Variants in NAV2 observed in about 807,000 individuals in gnomAD.
NAV2 encodes helicase, APC down-regulated 1.
In NAV2, 54 loss-of-function variants were observed where a neutral mutation model predicts 223.2. That is an observed-to-expected ratio of 0.24 (90% CI 0.19 to 0.30). The LOEUF is 0.30. Ranked by LOEUF, NAV2 falls within the 10% of genes least tolerant of loss-of-function variation. The pLI is 1.00. For missense variants in NAV2, 2,806 were observed against 3,147.5 expected (o/e 0.89, Z 2.60); for synonymous variants, 1,279 against 1,239.3 (o/e 1.03, Z -0.67).
At chr11:19,900,276 A>ACT (rs780451037) in intron 6 of NAV2, among the ~76,000 whole-genome samples, 8 of 151,824 alleles carry the variant, frequency 5.3e-5, no homozygotes, top group Non-Finnish European at 1.2e-4. Context: ...TGGAGGAATA[A>ACT]ACAAGAAGTT....
chr11:20,022,036 G>T (rs2054558149), intron 11 of NAV2, among the ~76,000 whole-genome samples: 1 of 152,178 alleles, frequency 6.6e-6, no homozygotes. Flanking sequence ...GCTTCCACTG[G>T]AGAGGCCACC....
At chr11:19,526,888 T>G (rs2043857820) in intron 1 of NAV2, among the ~76,000 whole-genome samples, 1 of 152,106 alleles carries the variant, frequency 6.6e-6, no homozygotes, top group South Asian at 2.1e-4. Flanking sequence ...GGGAGTAAGG[T>G]AGTGGTAATT....
At chr11:19,975,755 A>G (rs1006318284) in intron 10 of NAV2, among the ~76,000 whole-genome samples, 13 of 152,212 alleles carry the variant, frequency 8.5e-5, no homozygotes, top group Admixed American at 8.5e-4. Context: ...CAATGTAGAA[A>G]TCATTGTAGA....
chr11:19,685,223 G>A lies in NAV2; in HGVS notation c.76-147261G>A, dbSNP rs142752608. Among the ~76,000 whole-genome samples the A allele has an allele frequency of 4.6e-5, 7 of 152,306 alleles. 1 individual carries two copies. The highest frequency in any genetic ancestry group is 1.7e-4 in the African/African-American group (7 of 41,562). ...TTTGTCCTGCCCTCTCAGTTCAGAA[G>A]CTCTGCCATCTGCTTTTAAATCACC... On this transcript the variant is annotated intron_variant, in intron 1 of 37. Coordinates refer to the NAV2 transcript ENST00000360655.
chr11:19,687,297 A>G (rs1465157591), intron 1 of NAV2, among the ~76,000 whole-genome samples: 3 of 152,186 alleles, frequency 2.0e-5, no homozygotes, highest in Non-Finnish European at 4.4e-5. Flanking sequence ...AGCTAGAAAT[A>G]TTTCTTATCC....
chr11:19,493,053 C>A (rs900063150), intron 1 of NAV2, among the ~76,000 whole-genome samples: 26 of 152,096 alleles, frequency 1.7e-4, no homozygotes, highest in African/African-American at 5.3e-4. Context: ...TCGTCCAGGT[C>A]GATAATGTTG....
chr11:19,619,220 C>T (rs1165185540), intron 1 of NAV2, among the ~76,000 whole-genome samples: 2 of 151,670 alleles, frequency 1.3e-5, no homozygotes, highest in South Asian at 4.2e-4. Context: ...AATAAACATA[C>T]GTGTGCATGT....
At chr11:19,482,427 C>G (rs2042308076) in intron 1 of NAV2, among the ~76,000 whole-genome samples, 1 of 152,146 alleles carries the variant, frequency 6.6e-6, no homozygotes. Flanking sequence ...TTCTATAGGA[C>G]CCCGGGGTTA....
Position 19,572,478 on chromosome 11 carries a change from A to C in NAV2, c.75+221451A>C, listed in dbSNP as rs116806555. On this transcript the variant is annotated intron_variant, in intron 1 of 37. Transcript: ENST00000360655. ...CAATATTTTATATCTTGACAAAAGG[A>C]CTTGACCTGGGGCAAAAGATTAAAC... Among the ~76,000 whole-genome samples the C allele has an allele frequency of 4.2e-3, 642 of 152,312 alleles. 12 individuals carry two copies. Among genetic ancestry groups the C allele is most frequent in the African/African-American group, 0.015 (609 of 41,566 alleles).
At chr11:19,859,393 C>T (rs1319695355) in intron 3 of NAV2, among the ~76,000 whole-genome samples, 4 of 150,022 alleles carry the variant, frequency 2.7e-5, no homozygotes, top group Non-Finnish European at 4.4e-5. Flanking sequence ...ACATCTTGCA[C>T]CGCCCTTAAT....
chr11:19,973,384 G>T (rs914642239), intron 10 of NAV2, among the ~76,000 whole-genome samples: 7 of 152,196 alleles, frequency 4.6e-5, no homozygotes, highest in Non-Finnish European at 7.3e-5. Flanking sequence ...TTGGGGAGCC[G>T]TAGCAGAAAT....
At chr11:20,042,730 A>G (rs533866893) in intron 12 of NAV2, among the ~76,000 whole-genome samples, 5 of 151,766 alleles carry the variant, frequency 3.3e-5, no homozygotes, top group Admixed American at 1.3e-4. Context: ...TTAATTTCCT[A>G]TCTTGCCTAC....
intron 6 of NAV2, among the ~76,000 whole-genome samples, chr11:19,916,804 A>T (rs1469755196): frequency 2.0e-5 from 3 of 152,240 alleles, no homozygotes; most frequent in Non-Finnish European, 4.4e-5. Flanking sequence ...GATTTTATTT[A>T]CAAAAATAGG....
intron 1 of NAV2, among the ~76,000 whole-genome samples, chr11:19,596,345 C>T (rs1460227084): frequency 6.6e-6 from 1 of 152,210 alleles, no homozygotes; most frequent in Non-Finnish European, 1.5e-5. Context: ...TCAGCCTCCT[C>T]CCTGGGGATG....
chr11:19,693,568 A>C (rs1311181241), intron 1 of NAV2, among the ~76,000 whole-genome samples: 1 of 152,260 alleles, frequency 6.6e-6, no homozygotes, highest in Non-Finnish European at 1.5e-5. Flanking sequence ...CTTGGGGGAA[A>C]TTGAAAACAT....
intron 19 of NAV2, chr11:20,056,686 C>A: frequency 9.0e-7 from 1 of 1,112,624 alleles, no homozygotes; most frequent in Non-Finnish European, 1.4e-6. Context: ...GAAGATGGGG[C>A]TGATGGGACA....
chr11:19,393,568 T>C (rs1240913655), intron 1 of NAV2, among the ~76,000 whole-genome samples: 1 of 152,256 alleles, frequency 6.6e-6, no homozygotes. Flanking sequence ...ATAAAATATA[T>C]AGTTTTTGGA....
chr11:19,628,195 A>C (rs74559247), intron 1 of NAV2, among the ~76,000 whole-genome samples: 1,942 of 152,314 alleles, frequency 0.013, 45 homozygotes, highest in East Asian at 0.066. Context: ...AGCCTGAGGC[A>C]GCAGAGGAGT....
At chr11:19,417,511 T>C (rs1395773656) in intron 1 of NAV2, among the ~76,000 whole-genome samples, 1 of 152,200 alleles carries the variant, frequency 6.6e-6, no homozygotes, top group Non-Finnish European at 1.5e-5. Flanking sequence ...TGTAAATTAG[T>C]TCAATCATTA....
Sources: allele counts gnomAD v4.1 joint callset (sites outside exome capture counted in the v4.1 genomes callset), GRCh38; gene constraint gnomAD v4.1.1; transcripts MANE v1.5; gene names NCBI Gene and HGNC (gene_info 2026-07-23, HGNC 2026-07-21).